NTM: variants seen among roughly 807,000 people sequenced by gnomAD.
The protein encoded by NTM is IgLON family member 2.
A neutral mutation model predicts 42.1 loss-of-function variants in NTM; 13 were observed. The observed-to-expected ratio is 0.31, with a 90% confidence interval of 0.20 to 0.49. The LOEUF (loss-of-function observed/expected upper bound fraction) is 0.49, where lower values mean the gene tolerates loss of function less well. Ranked by LOEUF, NTM falls within the 20% of genes least tolerant of loss-of-function variation. The pLI, the probability that NTM is intolerant of heterozygous loss-of-function variation, is 0.99. For synonymous variants in NTM, 187 were observed against 179.2 expected (o/e 1.04, Z -0.35); for missense variants, 373 against 452.8 (o/e 0.82, Z 1.60).
chr11:132,070,439 C>T (rs1256894205), intron 2 of NTM, among the ~76,000 whole-genome samples: 4 of 133,340 alleles, frequency 3.0e-5, no homozygotes, highest in Non-Finnish European at 4.8e-5. Context: ...TTAGTTAACA[C>T]GTCACACAGC....
intron 2 of NTM, among the ~76,000 whole-genome samples, chr11:132,022,293 T>C (rs1398168549): frequency 6.6e-6 from 1 of 152,252 alleles, no homozygotes. Flanking sequence ...GTTGATTTTG[T>C]CAATTTTGCT....
At chr11:131,645,771 C>T (rs2065700099) in intron 1 of NTM, among the ~76,000 whole-genome samples, 1 of 152,096 alleles carries the variant, frequency 6.6e-6, no homozygotes, top group Non-Finnish European at 1.5e-5. Flanking sequence ...GCCTTTCATA[C>T]TTCTTTCAAT....
chr11:131,631,993 A>T (rs1160659645), intron 1 of NTM, among the ~76,000 whole-genome samples: 2 of 152,200 alleles, frequency 1.3e-5, no homozygotes, highest in Admixed American at 1.3e-4. Flanking sequence ...TTTATCCTCA[A>T]TGCTAGATTA....
At chr11:132,219,691 A>T (rs753076974) in intron 4 of NTM, among the ~76,000 whole-genome samples, 2 of 151,914 alleles carry the variant, frequency 1.3e-5, no homozygotes, top group Non-Finnish European at 2.9e-5. Context: ...TGAAATAGAG[A>T]TAATAATACC....
intron 1 of NTM, among the ~76,000 whole-genome samples, chr11:131,441,446 G>T (rs953669611): frequency 6.6e-6 from 1 of 152,140 alleles, no homozygotes; most frequent in Non-Finnish European, 1.5e-5. Flanking sequence ...AAGGAGAAAA[G>T]AAATCAATTC....
intron 8 of NTM, among the ~76,000 whole-genome samples, chr11:132,331,860 T>TG (rs1339416465): frequency 2.6e-5 from 4 of 151,198 alleles, no homozygotes; most frequent in Admixed American, 1.3e-4. Context: ...TGTGTGAGGG[T>TG]GGGGAAAAAA....
chr11:132,318,143 G>T (rs1324000028), intron 7 of NTM, among the ~76,000 whole-genome samples: 2 of 152,180 alleles, frequency 1.3e-5, no homozygotes, highest in African/African-American at 4.8e-5. Context: ...AAAGGAGGAG[G>T]ATAGGCATGG....
At chr11:131,991,665 G>A (rs555836181) in intron 2 of NTM, among the ~76,000 whole-genome samples, 16 of 151,592 alleles carry the variant, frequency 1.1e-4, no homozygotes, top group South Asian at 2.1e-4. Context: ...TGACTTTTCC[G>A]CACTTAAAGG....
At chr11:131,608,398 T>A (rs1038932048) in intron 1 of NTM, among the ~76,000 whole-genome samples, 10 of 152,248 alleles carry the variant, frequency 6.6e-5, no homozygotes, top group African/African-American at 9.6e-5. Context: ...CAGGAAATCA[T>A]CCTTCCTTTA....
At chr11:132,069,207 C>A (rs2057002319) in intron 2 of NTM, among the ~76,000 whole-genome samples, 1 of 151,260 alleles carries the variant, frequency 6.6e-6, no homozygotes, top group Admixed American at 6.6e-5. Context: ...TCAAACTGAC[C>A]ATCACAGGTT....
intron 1 of NTM, among the ~76,000 whole-genome samples, chr11:131,459,227 A>G (rs909552216): frequency 1.3e-5 from 2 of 152,216 alleles, no homozygotes; most frequent in Non-Finnish European, 2.9e-5. Context: ...TCTTGCTCTC[A>G]CCAGCAAGGT....
At chr11:131,792,400 C>T (rs570997809) in intron 1 of NTM, among the ~76,000 whole-genome samples, 1 of 152,256 alleles carries the variant, frequency 6.6e-6, no homozygotes, top group African/African-American at 2.4e-5. Context: ...AGATTTCTGA[C>T]ACTCCAGGTT....
intron 1 of NTM, among the ~76,000 whole-genome samples, chr11:131,515,372 A>AAT (rs2048765639): frequency 6.6e-6 from 1 of 152,182 alleles, no homozygotes; most frequent in Non-Finnish European, 1.5e-5. Context: ...ATGTTCTCGG[A>AAT]GCCCAGTCCT....
chr11:131,771,243 G>A (rs1298461362), intron 1 of NTM: 1 of 152,202 alleles, frequency 6.6e-6, no homozygotes, highest in African/African-American at 2.4e-5. Flanking sequence ...CATGACTGCA[G>A]TAAAATGCAG....
At chr11:131,453,568 G>A (rs1268453845) in intron 1 of NTM, among the ~76,000 whole-genome samples, 2 of 151,940 alleles carry the variant, frequency 1.3e-5, no homozygotes, top group East Asian at 3.9e-4. Context: ...GAAAACACAA[G>A]CAAACAAAAG....
At chr11:132,327,128 C>T (rs1031034921) in intron 7 of NTM, among the ~76,000 whole-genome samples, 8 of 152,192 alleles carry the variant, frequency 5.3e-5, no homozygotes, top group Admixed American at 4.6e-4. Context: ...AGGACTCTCA[C>T]GGTGATAAAT....
chr11:132,092,853 C>G (rs1414673769), intron 2 of NTM, among the ~76,000 whole-genome samples: 1 of 152,126 alleles, frequency 6.6e-6, no homozygotes, highest in Non-Finnish European at 1.5e-5. Flanking sequence ...TTTGACTTCC[C>G]AAATCTGTCT....
intron 1 of NTM, chr11:131,535,827 G>C (rs143257076): frequency 6.6e-6 from 1 of 152,200 alleles, no homozygotes; most frequent in Non-Finnish European, 1.5e-5. Flanking sequence ...CTGACACATA[G>C]AAACCACGCC....
At chr11:132,195,378 A>G (rs539214610) in intron 3 of NTM, among the ~76,000 whole-genome samples, 4 of 152,270 alleles carry the variant, frequency 2.6e-5, no homozygotes, top group African/African-American at 9.6e-5. Flanking sequence ...TTCCCAAACC[A>G]ATTTACAGAT....
Sources: gnomAD v4.1 joint callset for allele counts (sites outside exome capture counted in the v4.1 genomes callset) on GRCh38, gnomAD v4.1.1 for gene constraint, MANE v1.5 for transcripts, NCBI Gene and HGNC (gene_info 2026-07-23, HGNC 2026-07-21) for gene names.